Variants in PRKCI observed in about 807,000 individuals in gnomAD.
The protein encoded by PRKCI is protein kinase C iota, also known as protein kinase C iota type.
In PRKCI, 43 loss-of-function variants were observed where a neutral mutation model predicts 84.0. The ratio of observed to expected loss-of-function variants is 0.51; its 90% CI spans 0.40 to 0.66. PRKCI has a LOEUF of 0.66. PRKCI is among the 30% of genes least tolerant of loss of function. PRKCI has a pLI of 0.00. For synonymous variants in PRKCI, 216 were observed against 234.4 expected, an observed-to-expected ratio of 0.92 and a Z score of 0.72; for missense variants, 459 against 745.6, an observed-to-expected ratio of 0.62 and a Z score of 4.48.
At chr3:170,297,416 A>G (rs745700562) in intron 16 of PRKCI, 23 bp downstream of exon 16, 14 of 1,564,720 alleles carry the variant, frequency 8.9e-6, no homozygotes, top group African/African-American at 5.4e-5. Flanking sequence ...TGATTACTCA[A>G]CTATTAGGTT....
intron 2 of PRKCI, among the ~76,000 whole-genome samples, chr3:170,239,177 A>AT (rs1166186485): frequency 2.0e-5 from 3 of 152,230 alleles, no homozygotes; most frequent in Admixed American, 6.5e-5. Flanking sequence ...AATCATAAAC[A>AT]TTTTTAAAGA....
intron 2 of PRKCI, 138 bp from the exon 3 acceptor site, chr3:170,259,831 T>C: frequency 2.3e-6 from 1 of 427,140 alleles, no homozygotes; most frequent in South Asian, 5.7e-5. Context: ...AATAAGTAAA[T>C]AAATATTTGT....
At chr3:170,224,565 C>G (rs1732581831) in intron 1 of PRKCI, among the ~76,000 whole-genome samples, 1 of 151,836 alleles carries the variant, frequency 6.6e-6, no homozygotes, top group Non-Finnish European at 1.5e-5. Flanking sequence ...ACTCTGTTAC[C>G]CATGCTGGAG....
chr3:170,272,561 G>C (rs1734029313), intron 6 of PRKCI, among the ~76,000 whole-genome samples: 1 of 152,196 alleles, frequency 6.6e-6, no homozygotes, highest in Admixed American at 6.5e-5. Flanking sequence ...GTGACATATG[G>C]AAGGAAAGGG....
intron 17 of PRKCI, among the ~76,000 whole-genome samples, chr3:170,302,027 C>A (rs1734833288): frequency 6.6e-6 from 1 of 152,178 alleles, no homozygotes; most frequent in Non-Finnish European, 1.5e-5. Flanking sequence ...CCTGTTCATT[C>A]CTGTGTATCC....
At chr3:170,275,156 CATTA>C in intron 7 of PRKCI, 69 bp from the exon 8 acceptor site, 2 of 1,392,248 alleles carry the variant, frequency 1.4e-6, no homozygotes, top group Non-Finnish European at 1.9e-6. Flanking sequence ...ATTTCAAACT[CATTA>C]ATGGTTGCTG....
At chr3:170,302,546 C>G (rs1016073618) in intron 17 of PRKCI, among the ~76,000 whole-genome samples, 9 of 152,226 alleles carry the variant, frequency 5.9e-5, no homozygotes, top group Non-Finnish European at 8.8e-5. Flanking sequence ...AAATGCCAAC[C>G]TCTCCCCTCT....
At position 170,259,393 on chromosome 3, in the gene PRKCI, C is replaced by T. The variant is rs548311559; in HGVS notation, c.224-576C>T. ...CTCACCAAAAAAGAAAACCAAAGAA[C>T]AAAATTTTATATCTATATACATTGG... On this transcript the variant is annotated intron_variant, in intron 2 of 17. Coordinates refer to ENST00000295797, the MANE Select transcript of PRKCI (RefSeq NM_002740.6). Among the ~76,000 whole-genome samples the T allele has an allele frequency of 2.5e-3, 378 of 152,102 alleles. 1 individual carries two copies. The highest frequency in any genetic ancestry group is 8.7e-3 in the African/African-American group (361 of 41,490).
chr3:170,280,072 G>T, intron 8 of PRKCI, 155 bp from the exon 9 acceptor site: 2 of 625,176 alleles, frequency 3.2e-6, no homozygotes, highest in Non-Finnish European at 2.5e-6. Flanking sequence ...TAGATTATTT[G>T]GTTTGGAATG....
At chr3:170,277,239 A>G (rs959507490) in intron 8 of PRKCI, among the ~76,000 whole-genome samples, 1 of 151,858 alleles carries the variant, frequency 6.6e-6, no homozygotes, top group Non-Finnish European at 1.5e-5. Flanking sequence ...ACAGAGCAAG[A>G]CACTGTTTAA....
rs1560181937 is a variant in PRKCI at position 170,281,947 on chromosome 3, A to T, written c.1046A>T (p.Lys349Ile). Reference sequence around the variant, plus strand: ...ATGTTTCATATGCAGCGACAAAGAAAACTTCCTGAAGAACATGCCAGGTGA... The same window carrying T: ...ATGTTTCATATGCAGCGACAAAGAATACTTCCTGAAGAACATGCCAGGTGA... ...DLMFHMQRQR[K>I]LPEEHARFYS... The change falls in exon 11 of 18, where the codon AAA (lysine) becomes ATA (isoleucine). Residue 349 changes from lysine (K) to isoleucine (I), a missense_variant. By Grantham distance (102) the Lys-to-Ile change is moderately radical. Around this residue, in one of 2 missense-constraint regions of PRKCI, gnomAD observed 209 missense variants for 425.9 expected, o/e 0.49. Transcript: ENST00000295797. The T allele has an allele frequency of 6.2e-7, 1 of 1,611,610 alleles. No individual in the cohort carries two copies. Among genetic ancestry groups the T allele is most frequent in the African/African-American group, 1.3e-5 (1 of 74,990 alleles).
At chr3:170,243,808 C>T (rs1043720532) in intron 2 of PRKCI, among the ~76,000 whole-genome samples, 2 of 152,220 alleles carry the variant, frequency 1.3e-5, no homozygotes, top group Non-Finnish European at 2.9e-5. Flanking sequence ...CCAGCTACTT[C>T]TCTTAGTTCT....
chr3:170,270,671 G>A, intron 6 of PRKCI, 110 bp downstream of exon 6: 1 of 1,303,994 alleles, frequency 7.7e-7, no homozygotes. Context: ...GCACAACAGA[G>A]TAGCTACAGA....
intron 12 of PRKCI, among the ~76,000 whole-genome samples, chr3:170,285,460 T>C (rs1356800778): frequency 6.6e-6 from 1 of 152,232 alleles, no homozygotes; most frequent in Non-Finnish European, 1.5e-5. Flanking sequence ...TAAGGAACTA[T>C]TCCTTGTTAA....
chr3:170,285,752 T>TG lies in PRKCI; in HGVS notation c.1203+1156_1203+1157insG, dbSNP rs571842259. ...TACTTATTAATTAATTATTGTTGTTTTTTTTTTTTGGAGACAGAGTCTCGC... is the reference window on the plus strand; with the variant it reads ...TACTTATTAATTAATTATTGTTGTTTGTTTTTTTTTGGAGACAGAGTCTCGC... On this transcript the variant is annotated intron_variant, in intron 12 of 17. Transcript: ENST00000295797. Among the ~76,000 whole-genome samples, 6 of 151,376 alleles carry TG rather than the reference T, an allele frequency of 4.0e-5. 1 individual carries two copies. Among genetic ancestry groups the TG allele is most frequent in the African/African-American group, 1.2e-4 (5 of 41,046 alleles).
chr3:170,222,440 T>A lies in PRKCI; in HGVS notation c.-230T>A, dbSNP rs902629612. On this transcript the variant is annotated 5_prime_UTR_variant, in exon 1 of 18. Transcript: ENST00000295797. The stretch of plus-strand genomic sequence containing the variant: ...GGAGGGACCGACGCAGGAGGTGTCT[T>A]GGGCCCGGGCGGCTGTAGAGGCGGC... 30 of 448,832 alleles carry A rather than the reference T, an allele frequency of 6.7e-5. No individual in the cohort carries two copies. The highest frequency in any genetic ancestry group is 4.5e-4 in the Admixed American group (10 of 22,396). The allele number at this position is 448,832 out of a possible 1,614,324, so 27.8% of individuals were successfully genotyped here.
chr3:170,251,038 A>T (rs1203400104), intron 2 of PRKCI, among the ~76,000 whole-genome samples: 1 of 152,218 alleles, frequency 6.6e-6, no homozygotes, highest in Non-Finnish European at 1.5e-5. Context: ...CAGAAAGTAT[A>T]TTCAAAGAAA....
chr3:170,229,944 C>T (rs1732742295), intron 1 of PRKCI, among the ~76,000 whole-genome samples: 1 of 151,998 alleles, frequency 6.6e-6, no homozygotes, highest in Non-Finnish European at 1.5e-5. Flanking sequence ...CTATTTTACC[C>T]ATTTTCTATT....
chr3:170,302,862 T>A (rs1296593428), intron 17 of PRKCI, among the ~76,000 whole-genome samples, 178 bp from the exon 18 acceptor site: 6 of 152,216 alleles, frequency 3.9e-5, no homozygotes, highest in Admixed American at 6.5e-5. Context: ...CGGGGTTTTT[T>A]AAATTTTCAG....
Sources: allele counts gnomAD v4.1 joint callset (sites outside exome capture counted in the v4.1 genomes callset), GRCh38; gene constraint gnomAD v4.1.1; regional missense constraint gnomAD v4.1.1; transcripts MANE v1.5; gene names NCBI Gene and HGNC (gene_info 2026-07-23, HGNC 2026-07-21).